The following SMOC1 variants were observed in gnomAD, a reference collection of about 807,000 sequenced individuals.
The protein encoded by SMOC1 is SPARC-related modular calcium-binding protein 1.
SMOC1 carries 22 observed loss-of-function variants against 56.3 expected under a neutral mutation model. The observed-to-expected ratio is 0.39, with a 90% CI of 0.28 to 0.56. The LOEUF is 0.56. SMOC1 is among the 20% of genes least tolerant of loss of function. The pLI is 0.61. For missense variants in SMOC1, 509 were observed against 565.4 expected, an observed-to-expected ratio of 0.90 and a Z score of 1.01; for synonymous variants, 193 against 215.0, an observed-to-expected ratio of 0.90 and a Z score of 0.89.
chr14:69,903,334 C>T (rs1316257124), intron 1 of SMOC1, among the ~76,000 whole-genome samples: 1 of 152,048 alleles, frequency 6.6e-6, no homozygotes, highest in Non-Finnish European at 1.5e-5. Context: ...AGGAGCCCCT[C>T]CGCCCGGCAG....
intron 1 of SMOC1, among the ~76,000 whole-genome samples, chr14:69,924,436 A>T (rs1274183782): frequency 6.9e-6 from 1 of 145,872 alleles, no homozygotes; most frequent in African/African-American, 2.6e-5. Flanking sequence ...CCTTCTTCAC[A>T]CAGCAGCTGG....
rs1165190537 is a variant in SMOC1 at position 70,013,355 on chromosome 14, A to G, written c.941-31A>G. 2.5e-6 allele frequency: 4 copies of G among 1,583,860 alleles called. No homozygotes were observed. In the East Asian group the frequency reaches 6.7e-5, roughly 27 times the overall value. On this transcript the variant is annotated intron_variant, in intron 9 of 11. Transcript: ENST00000361956. The stretch of plus-strand genomic sequence containing the variant: ...GCTGTTGACTTGATTATTATCTGGC[A>G]TCTACCTTCAAATCTCATTTTATCT...
chr14:69,992,970 A>G (rs1252166005), intron 6 of SMOC1, among the ~76,000 whole-genome samples: 1 of 152,228 alleles, frequency 6.6e-6, no homozygotes, highest in African/African-American at 2.4e-5. Context: ...TTATTGTCAT[A>G]GACATTTATG....
At chr14:69,887,450 C>A in intron 1 of SMOC1, among the ~76,000 whole-genome samples, 1 of 152,194 alleles carries the variant, frequency 6.6e-6, no homozygotes, top group East Asian at 1.9e-4. Context: ...AGGCATTTGT[C>A]CATTATTCAA....
chr14:69,992,948 G>A lies in SMOC1; in HGVS notation c.583+475G>A, dbSNP rs553814811. Among the ~76,000 whole-genome samples, 14 of 152,354 alleles carry A rather than the reference G, an allele frequency of 9.2e-5. No homozygotes were observed. In the South Asian group the frequency reaches 2.9e-3, roughly 32 times the overall value. On this transcript the variant is annotated intron_variant, in intron 6 of 11. Coordinates refer to ENST00000361956, the MANE Select transcript of SMOC1 (RefSeq NM_001034852.3). ...AACTCTTAGAGTGCTTTAAATTACGGGGTCTCCGTTCTTATTGTCATAGAC... is the reference window on the plus strand; with the variant it reads ...AACTCTTAGAGTGCTTTAAATTACGAGGTCTCCGTTCTTATTGTCATAGAC...
At chr14:69,943,611 G>T (rs545251471) in intron 1 of SMOC1, among the ~76,000 whole-genome samples, 3 of 152,212 alleles carry the variant, frequency 2.0e-5, no homozygotes, top group Non-Finnish European at 4.4e-5. Context: ...CGGCTGAGCC[G>T]CAGCTAGACG....
rs1281407144 is a variant in SMOC1, at chr14:69,937,816, A to G, written c.100-14322A>G. Among the ~76,000 whole-genome samples the G allele has an allele frequency of 2.0e-5, 3 of 152,158 alleles. No individual in the cohort carries two copies. The East Asian group carries it at 5.8e-4, about 29-fold the overall frequency. On this transcript the variant is annotated intron_variant, in intron 1 of 11. Transcript: ENST00000361956. ...TGTGCTTTTGTGTTTGGTGATCTGA[A>G]GCCAGGCATCAATCAGTACAGCAGG...
At chr14:69,963,988 G>C (rs148504226) in intron 3 of SMOC1, among the ~76,000 whole-genome samples, 1 of 152,200 alleles carries the variant, frequency 6.6e-6, no homozygotes. Flanking sequence ...TTTGTGCTCA[G>C]AACACTGTCT....
Position 70,012,826 on chromosome 14 carries a change from C to A in SMOC1, c.941-560C>A, listed in dbSNP as rs185877355. Among the ~76,000 whole-genome samples, 29 of 152,222 alleles carry A rather than the reference C, an allele frequency of 1.9e-4. No individual in the cohort carries two copies. The East Asian group carries it at 5.2e-3, about 27-fold the overall frequency. On this transcript the variant is annotated intron_variant, in intron 9 of 11. Transcript: ENST00000361956. Reference sequence around the variant, plus strand: ...ACAAGGAGGAAAAAAGGAACAAGGACTTGGGAGTATTTACAAGAGAGATGC... The same window carrying A: ...ACAAGGAGGAAAAAAGGAACAAGGAATTGGGAGTATTTACAAGAGAGATGC...
chr14:69,996,739 T>A (rs540693149), intron 7 of SMOC1, among the ~76,000 whole-genome samples: 1 of 152,372 alleles, frequency 6.6e-6, no homozygotes, highest in South Asian at 2.1e-4. Flanking sequence ...TGGGAGAAAC[T>A]GAGACCAGGG....
intron 10 of SMOC1, among the ~76,000 whole-genome samples, chr14:70,013,818 G>A (rs1447843291): frequency 2.0e-5 from 3 of 152,220 alleles, no homozygotes; most frequent in Non-Finnish European, 4.4e-5. Context: ...GGCAGGAAGG[G>A]TGATGGTTAT....
At chr14:70,000,598 A>G (rs990126951) in intron 7 of SMOC1, among the ~76,000 whole-genome samples, 1 of 152,182 alleles carries the variant, frequency 6.6e-6, no homozygotes, top group African/African-American at 2.4e-5. Context: ...TTGGGGGAAA[A>G]GTTAAAAAGA....
chr14:70,011,282 G>T (rs1885326414), intron 8 of SMOC1, among the ~76,000 whole-genome samples: 1 of 152,210 alleles, frequency 6.6e-6, no homozygotes, highest in Non-Finnish European at 1.5e-5. Flanking sequence ...TTGAGTGGTT[G>T]AAATGACATG....
chr14:69,956,917 C>T (rs1237495093), intron 3 of SMOC1, among the ~76,000 whole-genome samples: 2 of 152,092 alleles, frequency 1.3e-5, no homozygotes, highest in African/African-American at 4.8e-5. Context: ...TGTGTTTTTT[C>T]GAGCTCCCCA....
intron 1 of SMOC1, among the ~76,000 whole-genome samples, chr14:69,890,466 G>A (rs1883930691): frequency 6.6e-6 from 1 of 152,138 alleles, no homozygotes; most frequent in South Asian, 2.1e-4. Flanking sequence ...TCCAAGAGAT[G>A]CATTTTGGTA....
At chr14:69,904,541 G>A (rs1236416489) in intron 1 of SMOC1, among the ~76,000 whole-genome samples, 1 of 152,238 alleles carries the variant, frequency 6.6e-6, no homozygotes, top group Non-Finnish European at 1.5e-5. Flanking sequence ...CAGCCTTGTT[G>A]TAGCTCCTCT....
At chr14:69,882,539 T>C (rs1302732413) in intron 1 of SMOC1, among the ~76,000 whole-genome samples, 1 of 152,226 alleles carries the variant, frequency 6.6e-6, no homozygotes, top group Non-Finnish European at 1.5e-5. Context: ...TTGGGGTCTC[T>C]CAACTGTGAG....
chr14:69,970,464 A>G (rs950483158), intron 3 of SMOC1, among the ~76,000 whole-genome samples: 2 of 152,152 alleles, frequency 1.3e-5, no homozygotes, highest in Admixed American at 1.3e-4. Flanking sequence ...TGGGATTCCA[A>G]TGTCCTGTGC....
Position 69,973,167 on chromosome 14 carries a change from A to ACTC in SMOC1, c.379-2546_379-2544dup, listed in dbSNP as rs544053044. ...GGGTGGATGGAGTCTGAAGGGATCA[A>ACTC]CTCCACATTTCCAGCAGCATTTCCC... is the stretch of plus-strand genomic sequence containing the variant. On this transcript the variant is annotated intron_variant, in intron 3 of 11. Coordinates refer to ENST00000361956, the MANE Select transcript of SMOC1 (RefSeq NM_001034852.3). Among the ~76,000 whole-genome samples, 280 of 152,234 alleles carry ACTC rather than the reference A, an allele frequency of 1.8e-3. 1 individual carries two copies. The highest frequency in any genetic ancestry group is 6.6e-3 in the African/African-American group (273 of 41,542).
Sources: allele counts gnomAD v4.1 joint callset (sites outside exome capture counted in the v4.1 genomes callset), GRCh38; gene constraint gnomAD v4.1.1; transcripts MANE v1.5; gene names NCBI Gene and HGNC (gene_info 2026-07-23, HGNC 2026-07-21).